The following MLIP variants were observed in gnomAD, a reference collection of about 807,000 sequenced individuals.
MLIP encodes muscular LMNA interacting protein.
Under a neutral mutation model 84.8 loss-of-function variants are expected in MLIP, and 79 were observed. The ratio of observed to expected loss-of-function variants is 0.93; its 90% CI spans 0.78 to 1.12. The LOEUF (loss-of-function observed/expected upper bound fraction) is 1.12, where lower values mean the gene tolerates loss of function less well. Ranked by LOEUF, MLIP falls within the 50% of genes most tolerant of loss-of-function variation. MLIP has a pLI of 0.00. For missense variants in MLIP, 1,257 were observed against 1,160.6 expected, an observed-to-expected ratio of 1.08 and a Z score of -1.21; for synonymous variants, 504 against 463.0, an observed-to-expected ratio of 1.09 and a Z score of -1.14.
chr6:54,057,214 T>A (rs1229235177), intron 1 of MLIP, among the ~76,000 whole-genome samples: 1 of 152,202 alleles, frequency 6.6e-6, no homozygotes, highest in African/African-American at 2.4e-5. Flanking sequence ...CACAAAACTC[T>A]GGTTCTAGCA....
chr6:54,188,297 G>A (rs890091151), intron 9 of MLIP, among the ~76,000 whole-genome samples: 1 of 152,014 alleles, frequency 6.6e-6, no homozygotes, highest in African/African-American at 2.4e-5. Flanking sequence ...ATTAACCTTA[G>A]CTTACTGTAG....
intron 1 of MLIP, among the ~76,000 whole-genome samples, chr6:54,095,157 T>C (rs759683363): frequency 6.6e-6 from 1 of 152,108 alleles, no homozygotes; most frequent in Non-Finnish European, 1.5e-5. Context: ...ACCATAAAGA[T>C]GTATTTTGGG....
At chr6:54,103,506 G>T (rs1238231784) in intron 1 of MLIP, among the ~76,000 whole-genome samples, 1 of 152,108 alleles carries the variant, frequency 6.6e-6, no homozygotes, top group Non-Finnish European at 1.5e-5. Context: ...AAGTGCAGAG[G>T]GTGATGTGAT....
intron 5 of MLIP, among the ~76,000 whole-genome samples, chr6:54,150,919 A>G (rs1038618226): frequency 2.0e-5 from 3 of 152,214 alleles, no homozygotes; most frequent in African/African-American, 4.8e-5. Context: ...TATTTAGCCT[A>G]TTATACAAGT....
chr6:54,120,082 GCTCT>G (rs1342241323), intron 1 of MLIP, among the ~76,000 whole-genome samples: 1 of 152,036 alleles, frequency 6.6e-6, no homozygotes, highest in African/African-American at 2.4e-5. Flanking sequence ...ACTCTAATTT[GCTCT>G]CTAATTACTC....
At chr6:54,072,109 CCA>C (rs1477225040) in intron 1 of MLIP, among the ~76,000 whole-genome samples, 1 of 152,110 alleles carries the variant, frequency 6.6e-6, no homozygotes, top group Non-Finnish European at 1.5e-5. Flanking sequence ...CCAGCTGATT[CCA>C]GTGACCCCCC....
chr6:54,228,691 A>G (rs1041370165), intron 11 of MLIP, among the ~76,000 whole-genome samples: 1 of 152,232 alleles, frequency 6.6e-6, no homozygotes, highest in East Asian at 1.9e-4. Context: ...GTTGCTTTCC[A>G]TGGATCACCA....
At chr6:54,232,353 A>T (rs1281909021) in intron 12 of MLIP, among the ~76,000 whole-genome samples, 1 of 152,150 alleles carries the variant, frequency 6.6e-6, no homozygotes, top group Admixed American at 6.6e-5. Flanking sequence ...AGGATAGACT[A>T]TATTTCATCC....
chr6:54,090,078 TC>T (rs1767762813), intron 1 of MLIP, among the ~76,000 whole-genome samples: 1 of 152,186 alleles, frequency 6.6e-6, no homozygotes, highest in African/African-American at 2.4e-5. Flanking sequence ...TTTTTGTTGA[TC>T]AGTTTTGTTC....
chr6:54,195,547 G>A (rs1414578059), intron 10 of MLIP, among the ~76,000 whole-genome samples: 1 of 152,102 alleles, frequency 6.6e-6, no homozygotes, highest in Non-Finnish European at 1.5e-5. Flanking sequence ...CTCAGAGGCT[G>A]TACCAACTTG....
intron 9 of MLIP, 96 bp from the exon 10 acceptor site, chr6:54,189,774 A>T: frequency 1.1e-6 from 1 of 872,794 alleles, no homozygotes; most frequent in African/African-American, 1.7e-5. Context: ...CCTATCATGG[A>T]CATATAATAA....
rs12111512 is a variant in MLIP at position 54,239,230 on chromosome 6, C to T, written c.2922+8313C>T. 8.5e-3 allele frequency among the ~76,000 whole-genome samples: 1,289 copies of T among 151,854 alleles called. 12 individuals are homozygous for T. Among genetic ancestry groups the T allele is most frequent in the African/African-American group, 0.028 (1,159 of 41,374 alleles). On this transcript the variant is annotated intron_variant, in intron 12 of 13. Coordinates refer to ENST00000502396, the MANE Select transcript of MLIP (RefSeq NM_001281747.2). ...CCCTCATAGCCTGAACACTCTCACT[C>T]GCAGACCCCAGGCTGTTGTCATTGC...
Position 54,138,216 on chromosome 6 carries a change from C to T in MLIP, c.2147C>T (p.Thr716Ile). 1 of 1,536,102 alleles carries T rather than the reference C, an allele frequency of 6.5e-7. No individual in the cohort carries two copies. The highest frequency in any genetic ancestry group is 8.7e-7 in the Non-Finnish European group (1 of 1,146,878). ...VSTPSLPISL[T>I]RTEELISPCA... The stretch of plus-strand genomic sequence containing the variant: ...ACCCCATCACTTCCCATATCTCTAA[C>T]AAGGACAGAGGAGCTGATTTCACCT... The change falls in exon 4 of 14, where the codon ACA becomes ATA. Residue 716 changes from threonine (T) to isoleucine (I), a missense_variant. Physicochemically the swap from Thr to Ile is moderately conservative, Grantham distance 89 (BLOSUM62 -1). Transcript: ENST00000502396.
intron 11 of MLIP, among the ~76,000 whole-genome samples, chr6:54,221,914 C>T (rs1315858031): frequency 6.6e-6 from 1 of 151,864 alleles, no homozygotes; most frequent in Non-Finnish European, 1.5e-5. Context: ...TTTATCTGAT[C>T]ACAAAAAATT....
At chr6:54,248,889 A>G (rs775705532) in intron 12 of MLIP, among the ~76,000 whole-genome samples, 1 of 152,130 alleles carries the variant, frequency 6.6e-6, no homozygotes, top group Admixed American at 6.6e-5. Flanking sequence ...TTTCAACAGA[A>G]TATACCAACC....
chr6:54,256,307 T>A (rs547324458), intron 12 of MLIP, among the ~76,000 whole-genome samples: 2 of 152,162 alleles, frequency 1.3e-5, no homozygotes, highest in Admixed American at 1.3e-4. Flanking sequence ...AAGGTTAGAG[T>A]CTTCCCCTGG....
chr6:54,221,748 C>A (rs976018446), intron 11 of MLIP, among the ~76,000 whole-genome samples: 1 of 151,748 alleles, frequency 6.6e-6, no homozygotes, highest in South Asian at 2.1e-4. Flanking sequence ...TAGATCATCT[C>A]GAGTAAATCT....
chr6:54,078,956 G>C lies in MLIP; in HGVS notation c.64-42491G>C, dbSNP rs190613995. Among the ~76,000 whole-genome samples, 689 of 152,182 alleles carry C rather than the reference G, an allele frequency of 4.5e-3. 2 individuals carry two copies. The highest frequency in any genetic ancestry group is 0.017 in the South Asian group (80 of 4,824). ...TCTGCCGGCCTTGGCCTCCCAAAGT[G>C]CTGGGATTACAGGCATGAACCACCG... On this transcript the variant is annotated intron_variant, in intron 1 of 12. Transcript: ENST00000274897.
rs576261881 is a variant in MLIP, at chr6:54,120,266, G to A, written c.97-1181G>A. Among the ~76,000 whole-genome samples the A allele has an allele frequency of 3.1e-4, 46 of 150,280 alleles. No individual in the cohort carries two copies. The South Asian group carries it at 9.0e-3, about 30-fold the overall frequency. On this transcript the variant is annotated intron_variant, in intron 1 of 13. Coordinates refer to ENST00000502396, the MANE Select transcript of MLIP (RefSeq NM_001281747.2). ...TTTTTTTTTTTTGAGACGGAGTCTC[G>A]CTCTGTCGCCAAGGCTGGAGTGCAG...
Sources: allele counts gnomAD v4.1 joint callset (sites outside exome capture counted in the v4.1 genomes callset), GRCh38; gene constraint gnomAD v4.1.1; transcripts MANE v1.5; gene names NCBI Gene and HGNC (gene_info 2026-07-23, HGNC 2026-07-21).